KAZN: variants seen among roughly 807,000 people sequenced by gnomAD.
The protein encoded by KAZN is kazrin.
Under a neutral mutation model 87.4 loss-of-function variants are expected in KAZN, and 40 were observed. That is an observed-to-expected ratio of 0.46 (90% CI 0.36 to 0.60). The LOEUF is 0.60. Ranked by LOEUF, KAZN falls within the 20% of genes least tolerant of loss-of-function variation. KAZN has a pLI of 0.00. For missense variants in KAZN, 898 were observed against 1,073.9 expected (o/e 0.84, Z 2.29); for synonymous variants, 466 against 458.3 (o/e 1.02, Z -0.22).
At chr1:14,464,020 A>G (rs1667985824) in intron 2 of KAZN, among the ~76,000 whole-genome samples, 1 of 152,224 alleles carries the variant, frequency 6.6e-6, no homozygotes, top group Admixed American at 6.5e-5. Context: ...TAGGAAGACC[A>G]TCTGTCTGGG....
chr1:15,058,450 G>A (rs1638493744), intron 5 of KAZN, among the ~76,000 whole-genome samples: 1 of 152,258 alleles, frequency 6.6e-6, no homozygotes, highest in African/African-American at 2.4e-5. Context: ...CATGCCGCCT[G>A]CACATGGTAG....
chr1:14,011,383 G>A (rs1251710015), intron 1 of KAZN, among the ~76,000 whole-genome samples: 1 of 152,156 alleles, frequency 6.6e-6, no homozygotes, highest in Non-Finnish European at 1.5e-5. Flanking sequence ...CACGTAGGAT[G>A]TTTTCTTCCC....
intron 2 of KAZN, among the ~76,000 whole-genome samples, chr1:14,577,872 TA>T (rs1675288846): frequency 6.6e-6 from 1 of 152,188 alleles, no homozygotes; most frequent in East Asian, 1.9e-4. Context: ...AATGGAAGTT[TA>T]GAAAGCAACA....
chr1:14,754,510 G>A (rs1644502916), intron 1 of KAZN, among the ~76,000 whole-genome samples: 1 of 152,088 alleles, frequency 6.6e-6, no homozygotes, highest in South Asian at 2.1e-4. Flanking sequence ...GTGGGCGCCT[G>A]TAACCCCAGC....
At chr1:14,309,562 A>G (rs1655148255) in intron 2 of KAZN, among the ~76,000 whole-genome samples, 1 of 152,012 alleles carries the variant, frequency 6.6e-6, no homozygotes, top group Admixed American at 6.6e-5. Context: ...GCATTAATTG[A>G]TTTTTTTGTT....
intron 2 of KAZN, among the ~76,000 whole-genome samples, chr1:14,449,496 C>T (rs988095943): frequency 5.3e-5 from 8 of 152,182 alleles, no homozygotes; most frequent in Admixed American, 5.2e-4. Context: ...GGGGTCCATG[C>T]CTCCCTGGGC....
intron 1 of KAZN, among the ~76,000 whole-genome samples, chr1:13,974,976 A>G (rs1043661914): frequency 2.0e-5 from 3 of 152,174 alleles, no homozygotes; most frequent in African/African-American, 7.2e-5. Flanking sequence ...TTATTTTTAT[A>G]GCACTTTTCT....
At chr1:14,985,732 G>A (rs145397040) in intron 2 of KAZN, among the ~76,000 whole-genome samples, 4 of 151,886 alleles carry the variant, frequency 2.6e-5, no homozygotes, top group South Asian at 4.2e-4. Flanking sequence ...TGCCAGGCAC[G>A]GTGGCCCATG....
intron 2 of KAZN, among the ~76,000 whole-genome samples, chr1:14,285,125 T>C (rs149076859): frequency 4.6e-5 from 7 of 152,280 alleles, no homozygotes; most frequent in African/African-American, 1.7e-4. Context: ...AGGCCTAATC[T>C]CTCTCTGTCT....
chr1:14,445,560 C>T (rs570766794), intron 2 of KAZN, among the ~76,000 whole-genome samples: 35 of 152,132 alleles, frequency 2.3e-4, no homozygotes, highest in Non-Finnish European at 4.1e-4. Flanking sequence ...GCTTCCAGGA[C>T]TGTGAGACAA....
intron 1 of KAZN, among the ~76,000 whole-genome samples, chr1:14,675,891 T>A (rs1459402255): frequency 6.6e-6 from 1 of 152,148 alleles, no homozygotes; most frequent in African/African-American, 2.4e-5. Flanking sequence ...TTATTTTCAT[T>A]TTCTGTTGCT....
At chr1:14,974,333 T>G (rs1209045548) in intron 2 of KAZN, among the ~76,000 whole-genome samples, 1 of 152,130 alleles carries the variant, frequency 6.6e-6, no homozygotes, top group Non-Finnish European at 1.5e-5. Flanking sequence ...AAAAATACCA[T>G]CTGCCATGGA....
intron 1 of KAZN, among the ~76,000 whole-genome samples, chr1:14,792,621 G>A (rs1645710722): frequency 6.6e-6 from 1 of 152,096 alleles, no homozygotes; most frequent in African/African-American, 2.4e-5. Context: ...CCAAGCAGAG[G>A]GAACAGCACA....
chr1:14,397,419 C>A (rs1483732304), intron 2 of KAZN, among the ~76,000 whole-genome samples: 2 of 152,084 alleles, frequency 1.3e-5, no homozygotes, highest in Non-Finnish European at 2.9e-5. Flanking sequence ...GTAAGGACAC[C>A]ATTAGCATCT....
intron 2 of KAZN, among the ~76,000 whole-genome samples, chr1:14,961,509 G>T (rs1437971090): frequency 6.6e-6 from 1 of 152,166 alleles, no homozygotes; most frequent in East Asian, 1.9e-4. Flanking sequence ...TCTCCCGGGA[G>T]GCACTGCCAC....
intron 2 of KAZN, among the ~76,000 whole-genome samples, chr1:14,419,946 A>T (rs142583929): frequency 2.0e-5 from 3 of 152,114 alleles, no homozygotes; most frequent in Non-Finnish European, 4.4e-5. Context: ...AACTTCCACA[A>T]GGTGGAAGGG....
intron 1 of KAZN, among the ~76,000 whole-genome samples, chr1:14,868,608 C>A (rs530147471): frequency 6.6e-6 from 1 of 151,576 alleles, no homozygotes; most frequent in Non-Finnish European, 1.5e-5. Flanking sequence ...AACATCTGGG[C>A]AGACTTTGAG....
chr1:14,527,041 A>AG (rs1671906782), intron 2 of KAZN, among the ~76,000 whole-genome samples: 10 of 152,212 alleles, frequency 6.6e-5, no homozygotes, highest in Admixed American at 6.5e-4. Context: ...AGTACCTATT[A>AG]TTGCATAAGA....
rs556208191 is a variant in KAZN at position 14,749,094 on chromosome 1, C to T, written c.226+149871C>T. On this transcript the variant is annotated intron_variant, in intron 1 of 14. Transcript: ENST00000376030. ...GGCTTCTGTTTCCTGCTATTAAAGACCCTATCAAGGGTGATAAATAAACGT... is the reference window on the plus strand; with the variant it reads ...GGCTTCTGTTTCCTGCTATTAAAGATCCTATCAAGGGTGATAAATAAACGT... Among the ~76,000 whole-genome samples the T allele has an allele frequency of 3.9e-5, 6 of 152,294 alleles. No homozygotes were observed. The South Asian group carries it at 1.2e-3, about 32-fold the overall frequency.
Sources: gnomAD v4.1 joint callset for allele counts (sites outside exome capture counted in the v4.1 genomes callset) on GRCh38, gnomAD v4.1.1 for gene constraint, MANE v1.5 for transcripts, NCBI Gene and HGNC (gene_info 2026-07-23, HGNC 2026-07-21) for gene names.